The following SEZ6L2 variants were observed in gnomAD, a reference collection of about 807,000 sequenced individuals.
SEZ6L2 encodes the protein seizure 6-like protein 2.
In SEZ6L2, 44 loss-of-function variants were observed where a neutral mutation model predicts 97.0. That is an observed-to-expected ratio of 0.45 (90% confidence interval 0.36 to 0.58). The LOEUF (loss-of-function observed/expected upper bound fraction) is 0.58, where lower values mean the gene tolerates loss of function less well. Among genes scored for constraint, SEZ6L2 ranks in the 20% least tolerant of loss-of-function variants. The pLI, the probability that SEZ6L2 is intolerant of heterozygous loss-of-function variation, is 0.00. For missense variants in SEZ6L2, 1,086 were observed against 1,233.3 expected, an observed-to-expected ratio of 0.88 and a Z score of 1.79; for synonymous variants, 543 against 546.1, an observed-to-expected ratio of 0.99 and a Z score of 0.08.
rs1332921298 is a variant in SEZ6L2, at chr16:29,876,781, G to C, written c.2079C>G (p.Ser693Arg). ...TCTTTTGGCAGGCGGGCGGCGCGGC[G>C]CTCCAAGACAGGTCCCACTGGCAAG... ...ILTCQWDLSW[S>R]AAPPACQKIM... is the part of the protein sequence containing the mutation. The change falls in exon 12 of 18, where the codon AGC becomes AGG. Residue 693 changes from serine (S) to arginine (R), a missense_variant. Physicochemically the swap from Ser to Arg is moderately radical, Grantham distance 110. Coordinates refer to ENST00000617533, the MANE Select transcript of SEZ6L2 (RefSeq NM_001243332.2). This position sits in a 1 kb window ranked among gnomAD's most constrained non-coding sequence, Gnocchi z 6.5. 6.4e-7 allele frequency: 1 copy of C among 1,556,216 alleles called. No individual in the cohort carries two copies. The highest frequency in any genetic ancestry group is 8.7e-7 in the Non-Finnish European group (1 of 1,150,208).
intron 7 of SEZ6L2, among the ~76,000 whole-genome samples, chr16:29,886,904 G>A (rs2068152974): frequency 6.6e-6 from 1 of 152,052 alleles, no homozygotes; most frequent in Admixed American, 6.6e-5. Context: ...AGGACTGGCT[G>A]GGTGTGGTGG....
chr16:29,879,063 C>T (rs920630985), intron 9 of SEZ6L2, among the ~76,000 whole-genome samples: 1 of 150,870 alleles, frequency 6.6e-6, no homozygotes, highest in Non-Finnish European at 1.5e-5. Flanking sequence ...CTACCATGCC[C>T]GGCTAATTTT....
chr16:29,887,790 G>A lies in SEZ6L2; in HGVS notation c.1067C>T (p.Ala356Val). ...MASCGGTIHNATLGRIVSPEP... is the reference protein window; with the variant it reads ...MASCGGTIHNVTLGRIVSPEP... ...TGGGGACACGATGCGGCCCAGGGTG[G>A]CATTGTGGATGGTGCCACCACAGGA... The change falls in exon 7 of 18, where the codon GCC (alanine) becomes GTC (valine). Residue 356 changes from alanine to valine, a missense_variant. Transcript: ENST00000617533. 6.2e-7 allele frequency: 1 copy of A among 1,613,792 alleles called. No homozygotes were observed. The highest frequency in any genetic ancestry group is 2.2e-5 in the East Asian group (1 of 44,838).
Position 29,873,155 on chromosome 16 carries a change from T to G in SEZ6L2, c.2488+85A>C. ...CCGGGAGCTCTGTGGGGTCGCCCAT[T>G]GGTCTCAAATGTGCTACCTGACTCT... On this transcript the variant is annotated intron_variant, in intron 14 of 17. Transcript: ENST00000617533. The surrounding 1 kb of genome is among the most constrained non-coding windows in gnomAD (Gnocchi z 4.3). The G allele has an allele frequency of 6.8e-7, 1 of 1,476,940 alleles. No individual in the cohort carries two copies. Among genetic ancestry groups the G allele is most frequent in the Non-Finnish European group, 9.2e-7 (1 of 1,083,610 alleles). The allele number at this position is 1,476,940 out of a possible 1,614,324, so 91.5% of individuals were successfully genotyped here.
At chr16:29,880,190 T>C (rs2150789324) in intron 8 of SEZ6L2, 126 bp from the exon 9 acceptor site, 6 of 834,484 alleles carry the variant, frequency 7.2e-6, no homozygotes, top group Non-Finnish European at 1.1e-5. Flanking sequence ...TTTTAAACAG[T>C]CTTGTGCTGT....
intron 2 of SEZ6L2, among the ~76,000 whole-genome samples, chr16:29,897,410 C>T (rs903574307): frequency 2.0e-5 from 3 of 151,920 alleles, no homozygotes; most frequent in Non-Finnish European, 2.9e-5. Context: ...ACTCAGATCA[C>T]GTTCTCTCTC....
At chr16:29,884,211 T>A (rs1161132156) in intron 8 of SEZ6L2, among the ~76,000 whole-genome samples, 2 of 152,146 alleles carry the variant, frequency 1.3e-5, no homozygotes, top group Non-Finnish European at 2.9e-5. Flanking sequence ...CCAACCAGGA[T>A]CTTAGTCAGG....
chr16:29,871,574 T>G lies in SEZ6L2; in HGVS notation c.*125A>C. The G allele has an allele frequency of 1.1e-6, 1 of 933,630 alleles. No individual in the cohort carries two copies. The highest frequency in any genetic ancestry group is 1.7e-6 in the Non-Finnish European group (1 of 584,482). 57.8% of individuals were successfully genotyped at this position (933,630 alleles called of 1,614,324 possible). On this transcript the variant is annotated 3_prime_UTR_variant, in exon 18 of 18. Transcript: ENST00000617533. The stretch of plus-strand genomic sequence containing the variant: ...GGGCCATCAAAGCCCCCTCGTGGGA[T>G]AGGGAGACTATTTACACAGCCAGGG...
Position 29,877,478 on chromosome 16 carries a change from T to C in SEZ6L2, c.1713-11A>G. ...TCCCGCACATTCAATCTGCAGGGGG[T>C]GAGACCAGGCAATGGGGCGGGGCTG... On this transcript the variant is annotated splice_polypyrimidine_tract_variant and intron_variant, in intron 10 of 17. Transcript: ENST00000617533. 1 of 1,571,160 alleles carries C rather than the reference T, an allele frequency of 6.4e-7. No individual in the cohort carries two copies. The highest frequency in any genetic ancestry group is 1.7e-4 in the Middle Eastern group (1 of 5,868).
Position 29,872,203 on chromosome 16 carries a change from G to C in SEZ6L2, c.2726C>G (p.Pro909Arg), listed in dbSNP as rs146034667. 2 of 1,608,082 alleles carry C rather than the reference G, an allele frequency of 1.2e-6. No individual in the cohort carries two copies. The highest frequency in any genetic ancestry group is 1.7e-6 in the Non-Finnish European group (2 of 1,177,288). ...GGTGCTTACCCCAGCTTCATACAGC[G>C]GGTTGCTGAAGTCCGACTCCACGGT... ...PITVESDFSN[P>R]LYEAGDTREY... Residue 909 changes from proline to arginine, a missense_variant, in exon 17 of 18, where the codon CCG becomes CGG. Transcript: ENST00000617533.
rs1007042406 is a variant in SEZ6L2, at chr16:29,885,654, T to C, written c.1304A>G (p.Gln435Arg). Residue 435 changes from glutamine (Q) to arginine (R), a missense_variant, in exon 8 of 18, where the codon CAG becomes CGG. Gln to Arg is a conservative substitution (Grantham distance 43). Coordinates refer to ENST00000617533, the MANE Select transcript of SEZ6L2 (RefSeq NM_001243332.2). ...TGACAGCAGCTCCACGTAGAGGGAC[T>C]GGGCGTCACTGATGAGACCCCGCTC... is the stretch of plus-strand genomic sequence containing the variant. The part of the protein sequence containing the change: ...VPERGLISDA[Q>R]SLYVELLSET... 2.5e-6 allele frequency: 4 copies of C among 1,613,938 alleles called. No individual in the cohort carries two copies. The African/African-American group carries it at 5.3e-5, about 22-fold the overall frequency.
chr16:29,897,825 G>A, intron 2 of SEZ6L2, 28 bp downstream of exon 2: 2 of 1,583,478 alleles, frequency 1.3e-6, no homozygotes, highest in South Asian at 1.1e-5. Flanking sequence ...CTGCCTCTAG[G>A]CCACTCCTGC....
intron 8 of SEZ6L2, 125 bp from the exon 9 acceptor site, chr16:29,880,189 G>C (rs1481420774): frequency 3.8e-5 from 31 of 825,624 alleles, no homozygotes; most frequent in Non-Finnish European, 5.3e-5. Context: ...TTTTTAAACA[G>C]TCTTGTGCTG....
Position 29,885,708 on chromosome 16 carries a change from A to T in SEZ6L2, c.1250T>A (p.Ile417Asn). The change falls in exon 8 of 18, where the codon ATC (isoleucine) becomes AAC (asparagine). Residue 417 changes from isoleucine (I) to asparagine (N), a missense_variant. This residue lies in a region of SEZ6L2 where 776 missense variants were observed against 794.7 expected (regional missense o/e 0.98). Transcript: ENST00000617533. ...RSGGSPLSPV[I>N]YDSDMDDVPE... is the part of the protein sequence containing the mutation. ...GACATCGTCCATGTCCGAATCATAGATCACGGGGGATAGGGGGCTGCCCCC... is the reference window on the plus strand; with the variant it reads ...GACATCGTCCATGTCCGAATCATAGTTCACGGGGGATAGGGGGCTGCCCCC... 6.2e-7 allele frequency: 1 copy of T among 1,613,750 alleles called. No individual in the cohort carries two copies. The highest frequency in any genetic ancestry group is 8.5e-7 in the Non-Finnish European group (1 of 1,179,826).
rs13337828 is a variant in SEZ6L2 at position 29,896,302 on chromosome 16, G to A, written c.512-442C>T. Among the ~76,000 whole-genome samples, 506 of 151,936 alleles carry A rather than the reference G, an allele frequency of 3.3e-3. 3 individuals carry two copies. Among genetic ancestry groups the A allele is most frequent in the African/African-American group, 0.012 (479 of 41,432 alleles). ...TTTTTTATTTTTATTTTTTTAAGAT[G>A]GAGTTTTGCTCTTGTTGCCTAGGCT... On this transcript the variant is annotated intron_variant, in intron 3 of 17. Transcript: ENST00000617533.
At chr16:29,871,852 A>G in intron 17 of SEZ6L2, 124 bp from the exon 18 acceptor site, 2 of 849,128 alleles carry the variant, frequency 2.4e-6, no homozygotes, top group Non-Finnish European at 2.0e-6. Flanking sequence ...CTGGGGGGCC[A>G]GTGAATGTGT....
Position 29,876,236 on chromosome 16 carries a change from CA to C in SEZ6L2, c.2104+519del, listed in dbSNP as rs1019292856. Among the ~76,000 whole-genome samples the C allele has an allele frequency of 2.6e-5, 4 of 152,170 alleles. No homozygotes were observed. Among genetic ancestry groups the C allele is most frequent in the Non-Finnish European group, 5.9e-5 (4 of 68,044 alleles). On this transcript the variant is annotated intron_variant, in intron 12 of 17. Transcript: ENST00000617533. The surrounding 1 kb of genome is among the most constrained non-coding windows in gnomAD (Gnocchi z 6.5). ...GGCTTGAACCCCCTTCGCCTAACCCCAACCCAGCACGGGGCTTCAATGATGG... is the reference window on the plus strand; with the variant it reads ...GGCTTGAACCCCCTTCGCCTAACCCCACCCAGCACGGGGCTTCAATGATGG...
In SEZ6L2 at chr16:29,888,550, G is replaced by C; in HGVS notation, c.1029C>G (p.Pro343=). 6.2e-7 allele frequency: 1 copy of C among 1,613,620 alleles called. No individual in the cohort carries two copies. Among genetic ancestry groups the C allele is most frequent in the South Asian group, 1.1e-5 (1 of 91,020 alleles). The change falls in exon 6 of 18, where the codon CCC becomes CCG. Residue 343 remains proline, a synonymous_variant. Coordinates refer to ENST00000617533, the MANE Select transcript of SEZ6L2 (RefSeq NM_001243332.2). ...TGGCAGGAGACTCACCCATGCAGCT[G>C]GGGGTTTCACCGTTCCAGGATGGCC... is the stretch of plus-strand genomic sequence containing the variant. ...GTRPSWNGET[P]SCMASCGGTI... is the part of the protein sequence containing the mutation.
At position 29,895,358 on chromosome 16, in the gene SEZ6L2, C is replaced by T. The variant is rs778893522; in HGVS notation, c.754G>A (p.Gly252Arg). ...PRLLANSSML[G>R]EGQVLRSPTN... is the part of the protein sequence containing the mutation. The stretch of plus-strand genomic sequence containing the variant: ...GGGCTCCGAAGGACTTGTCCTTCTC[C>T]AAGCATGGATGAGTTGGCCAGGAGT... The change falls in exon 5 of 18, where the codon GGA becomes AGA. Residue 252 changes from glycine (G) to arginine (R), a missense_variant. Gly to Arg is a moderately radical substitution (Grantham distance 125, BLOSUM62 -2). This residue lies in a region of SEZ6L2 where 776 missense variants were observed against 794.7 expected (regional missense o/e 0.98). Transcript: ENST00000617533. 3.1e-6 allele frequency: 5 copies of T among 1,614,088 alleles called. No homozygotes were observed. The South Asian group carries it at 4.4e-5, about 14-fold the overall frequency.
Sources: gnomAD v4.1 joint callset for allele counts (sites outside exome capture counted in the v4.1 genomes callset) on GRCh38, gnomAD v4.1.1 for gene constraint, gnomAD v4.1.1 regional missense constraint, Gnocchi (gnomAD v3.1) non-coding constraint, MANE v1.5 for transcripts, NCBI Gene and HGNC (gene_info 2026-07-23, HGNC 2026-07-21) for gene names.